Variants in CYP4F3 observed in about 807,000 individuals in gnomAD.
The protein encoded by CYP4F3 is cytochrome P450 family 4 subfamily F member 3.
CYP4F3 carries 50 observed loss-of-function variants against 54.8 expected under a neutral mutation model. The observed-to-expected ratio is 0.91, with a 90% confidence interval of 0.73 to 1.16. CYP4F3 has a LOEUF of 1.16. Ranked by LOEUF, CYP4F3 falls within the 50% of genes most tolerant of loss-of-function variation. The pLI, the probability that CYP4F3 is intolerant of heterozygous loss-of-function variation, is 0.00. For synonymous variants in CYP4F3, 244 were observed against 262.6 expected, an observed-to-expected ratio of 0.93 and a Z score of 0.69; for missense variants, 715 against 676.2, an observed-to-expected ratio of 1.06 and a Z score of -0.64.
intron 2 of CYP4F3, chr19:15,644,096 G>T: frequency 6.7e-7 from 1 of 1,482,060 alleles, no homozygotes; most frequent in African/African-American, 1.4e-5. Context: ...GTGCATTTGA[G>T]GCCTGCAAGT....
In CYP4F3 at chr19:15,647,253, A is replaced by T. The variant is rs1170341633; in HGVS notation, c.454A>T (p.Thr152Ser). The T allele has an allele frequency of 6.2e-7, 1 of 1,614,066 alleles. No individual in the cohort carries two copies. Among genetic ancestry groups the T allele is most frequent in the Non-Finnish European group, 8.5e-7 (1 of 1,180,036 alleles). Reference sequence around the variant, plus strand: ...GTGGAGCCGCCACCGTCGGATGCTGACGCCTGCCTTCCATTTCAACATCCT... The same window carrying T: ...GTGGAGCCGCCACCGTCGGATGCTGTCGCCTGCCTTCCATTTCAACATCCT... ...EKWSRHRRML[T>S]PAFHFNILKP... The change falls in exon 5 of 13, where the codon ACG (threonine) becomes TCG (serine). Residue 152 changes from threonine to serine, a missense_variant. By Grantham distance (58) the Thr-to-Ser change is moderately conservative (BLOSUM62 1). Transcript: ENST00000221307.
In CYP4F3 at chr19:15,654,137, T is replaced by C. The variant is rs1972952279; in HGVS notation, c.1115+1185T>C. On this transcript the variant is annotated intron_variant, in intron 9 of 12. Transcript: ENST00000221307. Reference sequence around the variant, plus strand: ...GAGTGGACGGGTGTCTTGGACTCAGTGTCCTCCCGTCCATGCCTTTGCCCA... The same window carrying C: ...GAGTGGACGGGTGTCTTGGACTCAGCGTCCTCCCGTCCATGCCTTTGCCCA... Among the ~76,000 whole-genome samples the C allele has an allele frequency of 3.9e-5, 6 of 152,162 alleles. No individual in the cohort carries two copies. The South Asian group carries it at 1.2e-3, about 32-fold the overall frequency.
chr19:15,649,639 T>C (rs1972728392), intron 6 of CYP4F3, among the ~76,000 whole-genome samples: 2 of 152,072 alleles, frequency 1.3e-5, no homozygotes, highest in African/African-American at 4.8e-5. Context: ...CAAGACTGTA[T>C]ACTGGGAGGG....
At chr19:15,657,431 T>A (rs2144674653) in intron 9 of CYP4F3, among the ~76,000 whole-genome samples, 1 of 152,284 alleles carries the variant, frequency 6.6e-6, no homozygotes, top group East Asian at 1.9e-4. Flanking sequence ...GTAGCTGGGA[T>A]TACAGGTGCC....
intron 7 of CYP4F3, 110 bp downstream of exon 7, chr19:15,650,293 G>C: frequency 6.2e-7 from 1 of 1,601,028 alleles, no homozygotes; most frequent in Non-Finnish European, 8.5e-7. Context: ...CATGGAAGGT[G>C]ATTGAGGAAG....
intron 8 of CYP4F3, 59 bp downstream of exon 8, chr19:15,652,694 G>A: frequency 2.5e-6 from 4 of 1,613,132 alleles, no homozygotes; most frequent in Admixed American, 3.3e-5. Flanking sequence ...CCAGGAACAG[G>A]GTGGGTGGAC....
chr19:15,641,505 C>T lies in CYP4F3; in HGVS notation c.90C>T (p.Leu30=). The T allele has an allele frequency of 1.9e-6, 3 of 1,614,180 alleles. No individual in the cohort carries two copies. The highest frequency in any genetic ancestry group is 1.3e-5 in the African/African-American group (1 of 75,040). Residue 30 remains leucine, a synonymous_variant, in exon 2 of 13, where the codon CTC becomes CTT. Coordinates refer to ENST00000221307, the MANE Select transcript of CYP4F3 (RefSeq NM_000896.3). ...LLLLLVGASW[L]LARILAWTYT... ...TGCTGCTGGTTGGGGCCTCCTGGCT[C>T]CTGGCCCGCATCCTGGCCTGGACCT... is the stretch of plus-strand genomic sequence containing the variant.
At chr19:15,645,906 C>G in intron 3 of CYP4F3, 43 bp downstream of exon 3, 1 of 1,532,096 alleles carries the variant, frequency 6.5e-7, no homozygotes, top group Non-Finnish European at 8.8e-7. Flanking sequence ...CTGCACTGGC[C>G]ACGCCTTGCC....
At chr19:15,643,328 A>G (rs1389465379) in intron 2 of CYP4F3, among the ~76,000 whole-genome samples, 1 of 140,398 alleles carries the variant, frequency 7.1e-6, no homozygotes, top group African/African-American at 2.8e-5. Context: ...ATAGATAGAT[A>G]GATAGACAGA....
chr19:15,660,476 T>A lies in CYP4F3; in HGVS notation c.*1091T>A, dbSNP rs146009114. On this transcript the variant is annotated 3_prime_UTR_variant, in exon 13 of 13. Transcript: ENST00000221307. ...CCACTGAGAAGGGAGAAGGTGACATTTTAGCTTTCCCAGGTAAAAGTGGTT... is the reference window on the plus strand; with the variant it reads ...CCACTGAGAAGGGAGAAGGTGACATATTAGCTTTCCCAGGTAAAAGTGGTT... 9.2e-5 allele frequency: 14 copies of A among 152,192 alleles called. No homozygotes were observed. Among genetic ancestry groups the A allele is most frequent in the Admixed American group, 7.2e-4 (11 of 15,292 alleles). 9.4% of individuals were successfully genotyped at this position (152,192 alleles called of 1,614,324 possible).
rs1490984232 is a variant in CYP4F3, at chr19:15,660,966, C to T, written c.*1581C>T. On this transcript the variant is annotated 3_prime_UTR_variant, in exon 13 of 13. Coordinates refer to ENST00000221307, the MANE Select transcript of CYP4F3 (RefSeq NM_000896.3). ...TCCTAACCTCAGGTGATCCACCCGC[C>T]TCGGCCTCCCAAAGTGCTGGGATTA... is the stretch of plus-strand genomic sequence containing the variant. 2.0e-5 allele frequency: 3 copies of T among 152,180 alleles called. No homozygotes were observed. The highest frequency in any genetic ancestry group is 6.5e-5 in the Admixed American group (1 of 15,280). 9.4% of individuals were successfully genotyped at this position (152,180 alleles called of 1,614,324 possible).
At position 15,654,121 on chromosome 19, in the gene CYP4F3, G is replaced by A. The variant is rs1276194988; in HGVS notation, c.1115+1169G>A. On this transcript the variant is annotated intron_variant, in intron 9 of 12. Transcript: ENST00000221307. ...AGGAGAGGAAGCATTGGAGTGGACG[G>A]GTGTCTTGGACTCAGTGTCCTCCCG... Among the ~76,000 whole-genome samples, 5 of 152,244 alleles carry A rather than the reference G, an allele frequency of 3.3e-5. 1 individual carries two copies. The South Asian group carries it at 8.3e-4, about 25-fold the overall frequency.
rs761794826 is a variant in CYP4F3 at position 15,652,850 on chromosome 19, C to G, written c.1013C>G (p.Ser338Cys). Residue 338 changes from serine to cysteine, a missense_variant, in exon 9 of 13, where the codon TCC (serine) becomes TGC (cysteine). Transcript: ENST00000221307. ...EGHDTTASGL[S>C]WVLYHLAKHP... ...CATGACACCACAGCCAGTGGTCTCT[C>G]CTGGGTCCTGTACCACCTTGCAAAG... is the stretch of plus-strand genomic sequence containing the variant. The G allele has an allele frequency of 6.2e-7, 1 of 1,613,656 alleles. No individual in the cohort carries two copies. Among genetic ancestry groups the G allele is most frequent in the Non-Finnish European group, 8.5e-7 (1 of 1,179,736 alleles).
Position 15,658,766 on chromosome 19 carries a change from G to T in CYP4F3, c.1354G>T (p.Glu452Ter). The stretch of plus-strand genomic sequence containing the variant: ...TCGCTTTGACCCAAAGAACATCAAG[G>T]AGAGGTCACCTCTGGCTTTTATTCC... ...PFRFDPKNIK[E>*]RSPLAFIPFS... The change falls in exon 12 of 13, where the codon GAG (glutamate) becomes TAG (stop). Residue 452 changes from glutamate (E) to a stop codon, truncating the protein, a stop_gained. Coordinates refer to ENST00000221307, the MANE Select transcript of CYP4F3 (RefSeq NM_000896.3). LOFTEE classifies it low-confidence loss of function (END_TRUNC). The T allele has an allele frequency of 1.2e-6, 2 of 1,614,126 alleles. No individual in the cohort carries two copies. Among genetic ancestry groups the T allele is most frequent in the Non-Finnish European group, 1.7e-6 (2 of 1,180,022 alleles).
Position 15,661,519 on chromosome 19 carries a change from C to T in CYP4F3, c.*2134C>T, listed in dbSNP as rs1258480678. ...CAGTGACTAAGGGTGTTGAACCACT[C>T]GTGCCTTCCTGTGCCTATTTGACAC... On this transcript the variant is annotated 3_prime_UTR_variant, in exon 13 of 13. Coordinates refer to ENST00000221307, the MANE Select transcript of CYP4F3 (RefSeq NM_000896.3). The T allele has an allele frequency of 6.6e-6, 1 of 152,264 alleles. No individual in the cohort carries two copies. The highest frequency in any genetic ancestry group is 2.1e-4 in the South Asian group (1 of 4,812). 9.4% of individuals were successfully genotyped at this position (152,264 alleles called of 1,614,324 possible).
chr19:15,644,299 C>T (rs1307885893), intron 2 of CYP4F3, among the ~76,000 whole-genome samples: 1 of 152,200 alleles, frequency 6.6e-6, no homozygotes, highest in Non-Finnish European at 1.5e-5. Context: ...AACCCAAGGC[C>T]CTGTCCTGGA....
At chr19:15,646,434 C>T (rs576218718) in intron 3 of CYP4F3, among the ~76,000 whole-genome samples, 5 of 152,072 alleles carry the variant, frequency 3.3e-5, no homozygotes, top group Admixed American at 6.5e-5. Context: ...TTGGGTCATA[C>T]GTGAGGAACA....
At chr19:15,641,119 T>C (rs1972449288) in intron 1 of CYP4F3, among the ~76,000 whole-genome samples, 174 bp downstream of exon 1, 1 of 152,196 alleles carries the variant, frequency 6.6e-6, no homozygotes, top group Admixed American at 6.5e-5. Context: ...GTTTTCTAAC[T>C]GAAACCAAGC....
Position 15,660,689 on chromosome 19 carries a change from G to C in CYP4F3, c.*1304G>C, listed in dbSNP as rs2144683847. 6.6e-6 allele frequency: 1 copy of C among 151,966 alleles called. No individual in the cohort carries two copies. The highest frequency in any genetic ancestry group is 2.1e-4 in the South Asian group (1 of 4,814). 9.4% of individuals were successfully genotyped at this position (151,966 alleles called of 1,614,324 possible). On this transcript the variant is annotated 3_prime_UTR_variant, in exon 13 of 13. Coordinates refer to ENST00000221307, the MANE Select transcript of CYP4F3 (RefSeq NM_000896.3). ...GATCACCTGGGGACCACTCCAGAGT[G>C]AGTAGACAAGACTTTGACAGGGGTG...
Sources: allele counts gnomAD v4.1 joint callset (sites outside exome capture counted in the v4.1 genomes callset), GRCh38; gene constraint gnomAD v4.1.1; transcripts MANE v1.5; gene names NCBI Gene and HGNC (gene_info 2026-07-23, HGNC 2026-07-21).